FAM151B: variants seen among roughly 807,000 people sequenced by gnomAD.
FAM151B encodes the protein family with sequence similarity 151 member B.
Under a neutral mutation model 31.2 loss-of-function variants are expected in FAM151B, and 24 were observed. The ratio of observed to expected loss-of-function variants is 0.77; its 90% CI spans 0.56 to 1.08. FAM151B has a LOEUF of 1.08. FAM151B is among the 50% of genes least tolerant of loss of function. The pLI is 0.00. For missense variants in FAM151B, 293 were observed against 328.6 expected (o/e 0.89, Z 0.84); for synonymous variants, 105 against 111.4 (o/e 0.94, Z 0.36).
chr5:80,536,887 A>G (rs1745538552), intron 5 of FAM151B, among the ~76,000 whole-genome samples: 1 of 152,148 alleles, frequency 6.6e-6, no homozygotes. Context: ...AGGGTGGTTT[A>G]CCAGAGGCGG....
At chr5:80,518,676 G>A (rs760536532) in intron 3 of FAM151B, 9 of 152,150 alleles carry the variant, frequency 5.9e-5, no homozygotes, top group Admixed American at 2.0e-4. Context: ...ATAGAGCCTG[G>A]GTTCCTCTGG....
At chr5:80,511,202 T>C (rs1744170313) in intron 2 of FAM151B, 1 of 151,966 alleles carries the variant, frequency 6.6e-6, no homozygotes, top group Admixed American at 6.6e-5. Context: ...CCGGGTGTGG[T>C]GGCTCTCACC....
chr5:80,503,738 G>A (rs1743837776), intron 2 of FAM151B, among the ~76,000 whole-genome samples: 1 of 151,956 alleles, frequency 6.6e-6, no homozygotes, highest in South Asian at 2.1e-4. Flanking sequence ...CATAGCCTGG[G>A]GATGGTGAAA....
intron 1 of FAM151B, chr5:80,501,006 TTTTTA>T: frequency 1.6e-5 from 9 of 580,382 alleles, no homozygotes; most frequent in Non-Finnish European, 2.4e-5. Context: ...AGACCATCCA[TTTTTA>T]TTTTATTTTA....
intron 4 of FAM151B, among the ~76,000 whole-genome samples, chr5:80,520,459 G>A (rs1043663413): frequency 6.6e-5 from 10 of 151,686 alleles, no homozygotes; most frequent in Non-Finnish European, 1.2e-4. Flanking sequence ...AGCCTGGCCA[G>A]CATGACGAAA....
In FAM151B at chr5:80,514,476, A is replaced by AAATAATAATAAT. The variant is rs139355800; in HGVS notation, c.317+742_317+753dup. Among the ~76,000 whole-genome samples, 152 of 139,332 alleles carry AAATAATAATAAT rather than the reference A, an allele frequency of 1.1e-3. 1 individual carries two copies. The highest frequency in any genetic ancestry group is 2.4e-3 in the African/African-American group (93 of 37,988). The allele number at this position is 139,332 out of a possible 152,430, so 91.4% of individuals were successfully genotyped here. The stretch of plus-strand genomic sequence containing the variant: ...GGCTACAAGAGTGAAACTCCCTCTC[A>AAATAATAATAAT]AATAATAATAATAATAATAATAATA... On this transcript the variant is annotated intron_variant, in intron 3 of 5. Transcript: ENST00000282226.
At chr5:80,511,968 C>T (rs1443120771) in intron 2 of FAM151B, among the ~76,000 whole-genome samples, 1 of 152,154 alleles carries the variant, frequency 6.6e-6, no homozygotes, top group African/African-American at 2.4e-5. Context: ...CATAATTCAT[C>T]TTTGCATTGT....
At position 80,538,479 on chromosome 5, in the gene FAM151B, T is replaced by TTTCTTTCTTTCC. The variant is rs1745682564; in HGVS notation, c.672-3187_672-3186insTTTCCTTCTTTC. ...CTTTCTTTCTTTCTTTCTTTCTTTC[T>TTTCTTTCTTTCC]TTCTTTCCTTCCTTCCTTCCTTTCT... On this transcript the variant is annotated intron_variant, in intron 5 of 5. Coordinates refer to ENST00000282226, the MANE Select transcript of FAM151B (RefSeq NM_205548.3). Among the ~76,000 whole-genome samples, 2 of 92,422 alleles carry TTTCTTTCTTTCC rather than the reference T, an allele frequency of 2.2e-5. 1 individual carries two copies. 60.6% of individuals were successfully genotyped at this position (92,422 alleles called of 152,430 possible). A position where few individuals can be genotyped will look rare whatever the true frequency, so the allele number is the denominator to read the frequency against.
At chr5:80,532,987 T>C (rs1745318200) in intron 5 of FAM151B, among the ~76,000 whole-genome samples, 1 of 152,186 alleles carries the variant, frequency 6.6e-6, no homozygotes, top group African/African-American at 2.4e-5. Flanking sequence ...ACCTAGCAGA[T>C]GCAGCAAAAG....
intron 1 of FAM151B, among the ~76,000 whole-genome samples, chr5:80,488,378 G>A (rs1287611339): frequency 6.6e-6 from 1 of 152,272 alleles, no homozygotes; most frequent in Non-Finnish European, 1.5e-5. Context: ...AGGCGTTAGG[G>A]GAGGTCGAGA....
chr5:80,514,504 A>G (rs1195105223), intron 3 of FAM151B, among the ~76,000 whole-genome samples: 10 of 148,418 alleles, frequency 6.7e-5, no homozygotes. Flanking sequence ...TAATAATAAT[A>G]ATAATAATAA....
chr5:80,503,122 A>T (rs1046428061), intron 2 of FAM151B, among the ~76,000 whole-genome samples: 1 of 152,226 alleles, frequency 6.6e-6, no homozygotes, highest in South Asian at 2.1e-4. Context: ...GGTGAATTTT[A>T]TAGTATGTAA....
chr5:80,541,798 T>G lies in FAM151B; in HGVS notation c.797T>G (p.Phe266Cys). ...ATCTTGGAACCACAAAACCATGAAT[T>G]TAAACAAGCCATTGGAATCAAAGTT... is the stretch of plus-strand genomic sequence containing the variant. ...YDILEPQNHEFKQAIGIKVNL is the reference protein window; with the variant it reads ...YDILEPQNHECKQAIGIKVNL Residue 266 changes from phenylalanine to cysteine, a missense_variant, in exon 6 of 6, where the codon TTT (phenylalanine) becomes TGT (cysteine). Coordinates refer to ENST00000282226, the MANE Select transcript of FAM151B (RefSeq NM_205548.3). 1.2e-6 allele frequency: 2 copies of G among 1,613,472 alleles called. No individual in the cohort carries two copies. Among genetic ancestry groups the G allele is most frequent in the African/African-American group, 1.3e-5 (1 of 75,036 alleles).
intron 5 of FAM151B, 53 bp downstream of exon 5, chr5:80,522,191 A>G: frequency 6.5e-7 from 1 of 1,530,216 alleles, no homozygotes; most frequent in South Asian, 1.2e-5. Flanking sequence ...AGACAGAGAT[A>G]GAAAGGGCAT....
intron 2 of FAM151B, among the ~76,000 whole-genome samples, chr5:80,504,476 A>G (rs992711581): frequency 1.5e-5 from 2 of 129,854 alleles, no homozygotes; most frequent in African/African-American, 5.9e-5. Context: ...TTTTCTATCT[A>G]TTGGAAATAA....
At chr5:80,488,939 A>G (rs946228544) in intron 1 of FAM151B, among the ~76,000 whole-genome samples, 1 of 152,162 alleles carries the variant, frequency 6.6e-6, no homozygotes, top group African/African-American at 2.4e-5. Context: ...ATAGGAAAAA[A>G]AAATCCCCCA....
intron 1 of FAM151B, chr5:80,500,243 G>A (rs1743694875): frequency 5.3e-6 from 3 of 569,366 alleles, no homozygotes; most frequent in Non-Finnish European, 9.3e-6. Flanking sequence ...CTATGGGGAG[G>A]GGGAAGCAAA....
chr5:80,498,978 C>T, intron 1 of FAM151B: 1 of 199,160 alleles, frequency 5.0e-6, no homozygotes, highest in South Asian at 9.4e-5. Context: ...ACGAAATCTG[C>T]ATTTTGGTGG....
At chr5:80,498,435 G>T in intron 1 of FAM151B, 1 of 424,688 alleles carries the variant, frequency 2.4e-6, no homozygotes, top group East Asian at 4.9e-5. Flanking sequence ...CTTATCAGCA[G>T]TTTCCGATAG....
Sources: allele counts gnomAD v4.1 joint callset (sites outside exome capture counted in the v4.1 genomes callset), GRCh38; gene constraint gnomAD v4.1.1; transcripts MANE v1.5; gene names NCBI Gene and HGNC (gene_info 2026-07-23, HGNC 2026-07-21).